Variants in HDAC9 observed in about 807,000 individuals in gnomAD.
The protein encoded by HDAC9 is MEF-2 interacting transcription repressor (MITR) protein.
HDAC9 carries 41 observed loss-of-function variants against 139.4 expected under a neutral mutation model. The observed-to-expected ratio is 0.29, with a 90% CI of 0.23 to 0.38. HDAC9 has a LOEUF of 0.38. HDAC9 is among the 10% of genes least tolerant of loss of function. HDAC9 has a pLI of 1.00. For synonymous variants in HDAC9, 517 were observed against 476.2 expected, an observed-to-expected ratio of 1.09 and a Z score of -1.12; for missense variants, 1,147 against 1,297.0, an observed-to-expected ratio of 0.88 and a Z score of 1.78.
intron 1 of HDAC9, among the ~76,000 whole-genome samples, chr7:18,358,317 T>C (rs1433349289): frequency 6.6e-6 from 1 of 152,220 alleles, no homozygotes; most frequent in South Asian, 2.1e-4. Flanking sequence ...TCCACTGATG[T>C]TGGGAGCACA....
In HDAC9 at chr7:18,114,085, A is replaced by G. The variant is rs527680103; in HGVS notation, c.-97+26872A>G. On this transcript the variant is annotated intron_variant, in intron 1 of 12. Coordinates refer to the HDAC9 transcript ENST00000417496. ...AAAATAACTCTGCATGTATGTTTTCAGAGTTATAACACTGTTGTAGCCCAC... is the reference window on the plus strand; with the variant it reads ...AAAATAACTCTGCATGTATGTTTTCGGAGTTATAACACTGTTGTAGCCCAC... Among the ~76,000 whole-genome samples the G allele has an allele frequency of 3.3e-5, 5 of 152,320 alleles. No individual in the cohort carries two copies. The East Asian group carries it at 9.6e-4, about 29-fold the overall frequency.
chr7:18,936,020 A>T lies in HDAC9; in HGVS notation c.2937+78A>T, dbSNP rs575452200. The T allele has an allele frequency of 2.2e-5, 30 of 1,387,030 alleles. No individual in the cohort carries two copies. The South Asian group carries it at 3.7e-4, about 17-fold the overall frequency. The allele number at this position is 1,387,030 out of a possible 1,614,324, so 85.9% of individuals were successfully genotyped here. ...ATGCATATTTTTAAACTAAAAAAAA[A>T]TTCTGCATACTCAGAAAGCTTAACA... On this transcript the variant is annotated intron_variant, in intron 23 of 25. Coordinates refer to ENST00000686413, the MANE Select transcript of HDAC9 (RefSeq NM_178425.4).
intron 1 of HDAC9, among the ~76,000 whole-genome samples, chr7:18,411,290 C>T (rs961736238): frequency 6.6e-6 from 1 of 152,174 alleles, no homozygotes; most frequent in Non-Finnish European, 1.5e-5. Flanking sequence ...AAGTAATACA[C>T]CTTCAGCAGA....
chr7:18,133,655 G>A (rs1278433999), intron 1 of HDAC9, among the ~76,000 whole-genome samples: 1 of 152,102 alleles, frequency 6.6e-6, no homozygotes, highest in Non-Finnish European at 1.5e-5. Context: ...ATGGGCTCGA[G>A]TTTTGTTGGT....
chr7:18,154,324 A>G (rs914153451), intron 1 of HDAC9, among the ~76,000 whole-genome samples: 3 of 152,182 alleles, frequency 2.0e-5, no homozygotes, highest in African/African-American at 7.2e-5. Flanking sequence ...AAAGAATGAA[A>G]AAAAGCTTTA....
At chr7:18,851,345 C>G (rs1441401601) in intron 21 of HDAC9, 1 of 152,208 alleles carries the variant, frequency 6.6e-6, no homozygotes, top group Non-Finnish European at 1.5e-5. Flanking sequence ...CTTGAGCTCT[C>G]ACGAGATCTA....
Position 18,824,044 on chromosome 7 carries a change from G to GGAAGAAGAAGAAGAAGAAGAAGAA in HDAC9, c.2323-5095_2323-5072dup, listed in dbSNP as rs1554367872. ...AAGAAGAGGAAGAGGAAGAGGAAGA[G>GGAAGAAGAAGAAGAAGAAGAAGAA]GAAGAAGAAGAAGAAGAAGAAGAAG... On this transcript the variant is annotated intron_variant, in intron 17 of 25. Coordinates refer to ENST00000686413, the MANE Select transcript of HDAC9 (RefSeq NM_178425.4). Among the ~76,000 whole-genome samples, 194 of 67,096 alleles carry GGAAGAAGAAGAAGAAGAAGAAGAA rather than the reference G, an allele frequency of 2.9e-3. 4 individuals are homozygous for GGAAGAAGAAGAAGAAGAAGAAGAA. The highest frequency in any genetic ancestry group is 6.9e-3 in the African/African-American group (148 of 21,600). 44.0% of individuals were successfully genotyped at this position (67,096 alleles called of 152,430 possible).
chr7:18,149,088 C>G (rs889158414), intron 1 of HDAC9, among the ~76,000 whole-genome samples: 1 of 152,026 alleles, frequency 6.6e-6, no homozygotes, highest in Non-Finnish European at 1.5e-5. Flanking sequence ...ATATCCTTGC[C>G]AACGTGAGGA....
intron 2 of HDAC9, among the ~76,000 whole-genome samples, chr7:18,191,276 G>GT (rs146140282): frequency 0.026 from 4,016 of 152,322 alleles, 60 homozygotes; most frequent in East Asian, 0.042. Flanking sequence ...TTTATTAGCT[G>GT]TGTGGGTGAA....
At chr7:18,892,809 A>AAAATGC (rs1800800560) in intron 22 of HDAC9, among the ~76,000 whole-genome samples, 1 of 152,180 alleles carries the variant, frequency 6.6e-6, no homozygotes, top group Non-Finnish European at 1.5e-5. Context: ...TCCCAGACAT[A>AAAATGC]AAATGCAATT....
intron 12 of HDAC9, among the ~76,000 whole-genome samples, chr7:18,670,237 T>C (rs1374555839): frequency 6.6e-6 from 1 of 152,032 alleles, no homozygotes; most frequent in African/African-American, 2.4e-5. Flanking sequence ...AGACTATTAT[T>C]CCCTTTATTA....
intron 25 of HDAC9, among the ~76,000 whole-genome samples, chr7:18,989,272 C>T (rs937335571): frequency 1.3e-5 from 2 of 150,458 alleles, no homozygotes; most frequent in Admixed American, 6.6e-5. Context: ...GTGACAAAAT[C>T]TCTCAGCATT....
chr7:18,602,636 A>G (rs878905051), intron 6 of HDAC9, among the ~76,000 whole-genome samples: 25 of 151,878 alleles, frequency 1.6e-4, no homozygotes, highest in African/African-American at 6.0e-4. Context: ...GATTTTGATA[A>G]GTTGTATTTT....
chr7:18,233,855 C>T (rs200202940), intron 2 of HDAC9, among the ~76,000 whole-genome samples: 2 of 152,140 alleles, frequency 1.3e-5, no homozygotes, highest in African/African-American at 4.8e-5. Flanking sequence ...CTTGTCAACA[C>T]AAGGTCCACA....
chr7:18,202,754 C>T (rs1791229402), intron 2 of HDAC9, among the ~76,000 whole-genome samples: 1 of 152,124 alleles, frequency 6.6e-6, no homozygotes, highest in Admixed American at 6.5e-5. Flanking sequence ...ATGGGCATGT[C>T]AAGTATCTGT....
intron 17 of HDAC9, among the ~76,000 whole-genome samples, chr7:18,827,451 T>G (rs1262272879): frequency 6.6e-5 from 10 of 152,088 alleles, no homozygotes; most frequent in Non-Finnish European, 4.4e-5. Context: ...ATCTAATGAA[T>G]TATCCTTCTA....
At chr7:18,414,055 T>C (rs997030657) in intron 1 of HDAC9, among the ~76,000 whole-genome samples, 8 of 152,194 alleles carry the variant, frequency 5.3e-5, no homozygotes, top group African/African-American at 1.9e-4. Context: ...AAATTATAAG[T>C]AAATGAACGG....
intron 2 of HDAC9, among the ~76,000 whole-genome samples, chr7:18,567,881 C>T (rs1214623600): frequency 1.3e-5 from 2 of 151,748 alleles, no homozygotes; most frequent in Non-Finnish European, 2.9e-5. Flanking sequence ...ACTATATCAA[C>T]CCACACATTA....
At chr7:18,661,485 G>A (rs1793117859) in intron 11 of HDAC9, among the ~76,000 whole-genome samples, 1 of 152,060 alleles carries the variant, frequency 6.6e-6, no homozygotes, top group Admixed American at 6.6e-5. Context: ...CTATTTCAGA[G>A]CAAAATGTGG....
Sources: allele counts gnomAD v4.1 joint callset (sites outside exome capture counted in the v4.1 genomes callset), GRCh38; gene constraint gnomAD v4.1.1; transcripts MANE v1.5; gene names NCBI Gene and HGNC (gene_info 2026-07-23, HGNC 2026-07-21).